The following AUTS2 variants were observed in gnomAD, a reference collection of about 807,000 sequenced individuals.
AUTS2 encodes the protein activator of transcription and developmental regulator AUTS2.
AUTS2 carries 17 observed loss-of-function variants against 112.4 expected under a neutral mutation model. That is an observed-to-expected ratio of 0.15 (90% CI 0.10 to 0.23). AUTS2 has a LOEUF of 0.23. Ranked by LOEUF, AUTS2 falls within the 10% of genes least tolerant of loss-of-function variation. The pLI is 1.00. For missense variants in AUTS2, 1,510 were observed against 1,701.6 expected, an observed-to-expected ratio of 0.89 and a Z score of 1.98; for synonymous variants, 751 against 702.7, an observed-to-expected ratio of 1.07 and a Z score of -1.09.
chr7:70,731,460 C>T (rs1372190646), intron 6 of AUTS2, among the ~76,000 whole-genome samples: 2 of 112,158 alleles, frequency 1.8e-5, no homozygotes, highest in African/African-American at 3.4e-5. Context: ...GACAGAGTCT[C>T]GCTCTGTTGC....
At chr7:70,057,229 T>C (rs1390253013) in intron 2 of AUTS2, among the ~76,000 whole-genome samples, 1 of 152,124 alleles carries the variant, frequency 6.6e-6, no homozygotes, top group Non-Finnish European at 1.5e-5. Flanking sequence ...ATCTTGTTCT[T>C]TGTAGGGCCC....
At chr7:69,888,957 A>G (rs1377456936) in intron 1 of AUTS2, among the ~76,000 whole-genome samples, 1 of 152,204 alleles carries the variant, frequency 6.6e-6, no homozygotes, top group Non-Finnish European at 1.5e-5. Flanking sequence ...AAAGTCTTGG[A>G]TGGAAGTCCG....
At chr7:70,174,057 A>T (rs540128646) in intron 4 of AUTS2, among the ~76,000 whole-genome samples, 1 of 152,342 alleles carries the variant, frequency 6.6e-6, no homozygotes, top group Non-Finnish European at 1.5e-5. Flanking sequence ...GAAAGCCAAG[A>T]TGGGCTGAAA....
At chr7:70,210,841 C>A (rs1810843087) in intron 4 of AUTS2, among the ~76,000 whole-genome samples, 1 of 152,186 alleles carries the variant, frequency 6.6e-6, no homozygotes, top group South Asian at 2.1e-4. Context: ...TATATTTTCC[C>A]ATTGTATGCA....
chr7:69,727,601 T>TA (rs564683867), intron 1 of AUTS2, among the ~76,000 whole-genome samples: 2 of 151,820 alleles, frequency 1.3e-5, no homozygotes, highest in Admixed American at 1.3e-4. Flanking sequence ...AAAATAAAAA[T>TA]AAAAAAAATA....
At chr7:69,978,379 T>C in intron 2 of AUTS2, among the ~76,000 whole-genome samples, 1 of 152,212 alleles carries the variant, frequency 6.6e-6, no homozygotes, top group East Asian at 1.9e-4. Context: ...ATTCTGGTTT[T>C]ATTGAAAAAC....
chr7:69,641,532 C>T (rs952127406), intron 1 of AUTS2, among the ~76,000 whole-genome samples: 7 of 152,162 alleles, frequency 4.6e-5, no homozygotes, highest in Non-Finnish European at 7.3e-5. Context: ...ACTGCATATT[C>T]GCTGCTTTGT....
intron 1 of AUTS2, among the ~76,000 whole-genome samples, chr7:69,801,524 T>A (rs941905489): frequency 6.6e-6 from 1 of 150,448 alleles, no homozygotes; most frequent in Non-Finnish European, 1.5e-5. Flanking sequence ...ATAAGATATA[T>A]AGGTATATAT....
chr7:70,582,586 C>T (rs536049919), intron 5 of AUTS2, among the ~76,000 whole-genome samples: 2 of 152,336 alleles, frequency 1.3e-5, no homozygotes, highest in South Asian at 4.1e-4. Flanking sequence ...CACCACTTCA[C>T]AGAATTCAAG....
chr7:70,081,158 G>A (rs71535673), intron 2 of AUTS2, among the ~76,000 whole-genome samples: 14,736 of 152,042 alleles, frequency 0.097, 766 homozygotes, highest in Admixed American at 0.12. Flanking sequence ...GAAGTGTTGC[G>A]ATAATGGGAG....
chr7:69,818,070 C>A (rs923800416), intron 1 of AUTS2, among the ~76,000 whole-genome samples: 1 of 152,036 alleles, frequency 6.6e-6, no homozygotes, highest in Non-Finnish European at 1.5e-5. Flanking sequence ...CATGATTATT[C>A]CTTGATGTAT....
At chr7:70,570,469 G>A (rs1019024083) in intron 5 of AUTS2, among the ~76,000 whole-genome samples, 1 of 152,096 alleles carries the variant, frequency 6.6e-6, no homozygotes, top group Non-Finnish European at 1.5e-5. Context: ...TTTCAGAATC[G>A]ACACAAACGA....
intron 5 of AUTS2, among the ~76,000 whole-genome samples, chr7:70,644,453 A>G (rs896381994): frequency 1.3e-5 from 2 of 152,138 alleles, no homozygotes; most frequent in Admixed American, 1.3e-4. Flanking sequence ...CGCGGGGTCA[A>G]CAGCAGCCAC....
chr7:70,133,051 C>G (rs1422390852), intron 3 of AUTS2, among the ~76,000 whole-genome samples: 2 of 152,010 alleles, frequency 1.3e-5, no homozygotes, highest in Non-Finnish European at 2.9e-5. Flanking sequence ...TGTGGATCTC[C>G]CTCCATACCA....
intron 2 of AUTS2, among the ~76,000 whole-genome samples, chr7:69,908,830 C>T (rs1441107528): frequency 1.3e-5 from 2 of 152,308 alleles, no homozygotes; most frequent in East Asian, 3.9e-4. Flanking sequence ...CAATTAGCTA[C>T]ATATTCTGAG....
At chr7:70,040,193 A>T (rs973004980) in intron 2 of AUTS2, among the ~76,000 whole-genome samples, 1 of 152,162 alleles carries the variant, frequency 6.6e-6, no homozygotes, top group African/African-American at 2.4e-5. Context: ...GTAAACCCTA[A>T]TGTAAACTAT....
At chr7:69,774,269 A>G (rs10085600) in intron 1 of AUTS2, among the ~76,000 whole-genome samples, 15,183 of 152,110 alleles carry the variant, frequency 0.1, 1,211 homozygotes, top group African/African-American at 0.22. Flanking sequence ...TGGCGGTGGT[A>G]TGTGCCTGTA....
At chr7:70,578,684 C>T (rs12698910) in intron 5 of AUTS2, among the ~76,000 whole-genome samples, 26,766 of 152,040 alleles carry the variant, frequency 0.18, 2,754 homozygotes, top group African/African-American at 0.29. Context: ...AGTTGAGGAA[C>T]GAGGCCTATT....
intron 4 of AUTS2, among the ~76,000 whole-genome samples, chr7:70,335,806 G>A (rs1790962745): frequency 1.3e-5 from 2 of 152,156 alleles, no homozygotes; most frequent in African/African-American, 4.8e-5. Flanking sequence ...TTGTTGCAAG[G>A]CCTTTATTTC....
Sources: allele counts gnomAD v4.1 joint callset (sites outside exome capture counted in the v4.1 genomes callset), GRCh38; gene constraint gnomAD v4.1.1; transcripts MANE v1.5; gene names NCBI Gene and HGNC (gene_info 2026-07-23, HGNC 2026-07-21).